WDR19: variants seen among roughly 807,000 people sequenced by gnomAD.
WDR19 encodes the protein WD repeat domain 19, also known as WD repeat-containing protein 19.
In WDR19, 121 loss-of-function variants were observed where a neutral mutation model predicts 180.0. The ratio of observed to expected loss-of-function variants is 0.67; its 90% CI spans 0.58 to 0.78. WDR19 has a LOEUF of 0.78. WDR19 is among the 30% of genes least tolerant of loss of function. WDR19 has a pLI of 0.00. For missense variants in WDR19, 1,450 were observed against 1,640.7 expected, an observed-to-expected ratio of 0.88 and a Z score of 2.01; for synonymous variants, 497 against 540.7, an observed-to-expected ratio of 0.92 and a Z score of 1.12.
rs139409000 is a variant in WDR19 at position 39,267,920 on chromosome 4, T to C, written c.3262-75T>C. Reference sequence around the variant, plus strand: ...AGTTACTGGCAGATGAATGTGATTCTAACTGCAATACAAAAATGTAATCTC... The same window carrying C: ...AGTTACTGGCAGATGAATGTGATTCCAACTGCAATACAAAAATGTAATCTC... On this transcript the variant is annotated intron_variant, in intron 29 of 36. Transcript: ENST00000399820. The C allele has an allele frequency of 4.9e-4, 649 of 1,322,112 alleles. 2 individuals are homozygous for C. The African/African-American group carries it at 6.1e-3, about 12-fold the overall frequency. The allele number at this position is 1,322,112 out of a possible 1,614,324, so 81.9% of individuals were successfully genotyped here. A position where few individuals can be genotyped will look rare whatever the true frequency, so the allele number is the denominator to read the frequency against.
intron 10 of WDR19, among the ~76,000 whole-genome samples, chr4:39,214,957 G>C (rs1728913192): frequency 6.6e-6 from 1 of 152,068 alleles, no homozygotes; most frequent in Admixed American, 6.6e-5. Flanking sequence ...ATTTTTAGTA[G>C]AGATGGGGTT....
intron 28 of WDR19, among the ~76,000 whole-genome samples, chr4:39,260,311 A>C (rs1448181708): frequency 6.7e-6 from 1 of 149,932 alleles, no homozygotes; most frequent in Non-Finnish European, 1.5e-5. Flanking sequence ...TTCTCATCAC[A>C]GCAGTAGGGC....
At chr4:39,235,098 C>G (rs549439295) in intron 20 of WDR19, among the ~76,000 whole-genome samples, 119 of 152,064 alleles carry the variant, frequency 7.8e-4, no homozygotes, top group African/African-American at 2.7e-3. Flanking sequence ...TGGATCTAAG[C>G]TGTTTCTGCA....
At chr4:39,269,567 C>T (rs556182088) in intron 30 of WDR19, among the ~76,000 whole-genome samples, 24 of 152,244 alleles carry the variant, frequency 1.6e-4, no homozygotes, top group South Asian at 6.2e-4. Context: ...GAAATCTGGC[C>T]GGTCACAATG....
chr4:39,240,715 G>T (rs1731848464), intron 21 of WDR19, among the ~76,000 whole-genome samples: 1 of 152,040 alleles, frequency 6.6e-6, no homozygotes, highest in African/African-American at 2.4e-5. Flanking sequence ...ACTTTGGGAG[G>T]CCAAGGTGGG....
At position 39,237,087 on chromosome 4, in the gene WDR19, C is replaced by T. The variant is rs566623819; in HGVS notation, c.2363+2212C>T. On this transcript the variant is annotated intron_variant, in intron 20 of 36. Transcript: ENST00000399820. Reference sequence around the variant, plus strand: ...TGACATTTATTATGATATATTCCAACATTCAAAAATATTAAAATATGGAAA... The same window carrying T: ...TGACATTTATTATGATATATTCCAATATTCAAAAATATTAAAATATGGAAA... Among the ~76,000 whole-genome samples, 5 of 152,252 alleles carry T rather than the reference C, an allele frequency of 3.3e-5. No individual in the cohort carries two copies. The East Asian group carries it at 7.7e-4, about 23-fold the overall frequency.
intron 24 of WDR19, among the ~76,000 whole-genome samples, chr4:39,250,939 T>C (rs995614783): frequency 3.3e-5 from 5 of 152,154 alleles, no homozygotes; most frequent in Non-Finnish European, 5.9e-5. Context: ...CTGCCGAAGG[T>C]AATTTATAGA....
At chr4:39,284,444 T>G (rs1296961293) in intron 36 of WDR19, among the ~76,000 whole-genome samples, 3 of 148,636 alleles carry the variant, frequency 2.0e-5, no homozygotes, top group African/African-American at 7.4e-5. Flanking sequence ...GCTCAAATGA[T>G]CTTCCTGCCT....
intron 9 of WDR19, among the ~76,000 whole-genome samples, chr4:39,212,225 TA>T (rs1728618510): frequency 6.6e-6 from 1 of 152,002 alleles, no homozygotes; most frequent in Non-Finnish European, 1.5e-5. Flanking sequence ...AATAATTCAA[TA>T]AAAGCAAGAT....
intron 36 of WDR19, among the ~76,000 whole-genome samples, chr4:39,279,315 T>C (rs1295801864): frequency 6.6e-6 from 1 of 152,208 alleles, no homozygotes; most frequent in African/African-American, 2.4e-5. Context: ...TCTCTCTGTT[T>C]TCCCTTCCTC....
At chr4:39,215,258 G>A (rs966624818) in intron 10 of WDR19, among the ~76,000 whole-genome samples, 12 of 151,890 alleles carry the variant, frequency 7.9e-5, no homozygotes, top group South Asian at 2.1e-4. Context: ...ACATAATGAC[G>A]TTTCAGTCCA....
intron 9 of WDR19, among the ~76,000 whole-genome samples, chr4:39,211,861 G>T (rs1282344149): frequency 6.6e-6 from 1 of 151,502 alleles, no homozygotes; most frequent in East Asian, 1.9e-4. Context: ...ATTGTTTAAT[G>T]AAATTTATAT....
chr4:39,244,842 A>G (rs906313619), intron 23 of WDR19, among the ~76,000 whole-genome samples: 30 of 151,992 alleles, frequency 2.0e-4, no homozygotes, highest in Middle Eastern at 3.2e-3. Flanking sequence ...CCATTTTCCT[A>G]CCTTTAGGGG....
At chr4:39,226,820 TAAA>T (rs1175419392) in intron 15 of WDR19, among the ~76,000 whole-genome samples, 1 of 152,184 alleles carries the variant, frequency 6.6e-6, no homozygotes, top group Non-Finnish European at 1.5e-5. Context: ...TTTTAAAAGA[TAAA>T]AAACGAACAG....
At chr4:39,285,239 TATC>T (rs3068591) in intron 36 of WDR19, among the ~76,000 whole-genome samples, 77,351 of 151,692 alleles carry the variant, frequency 0.51, 21,356 homozygotes, top group African/African-American at 0.74. Context: ...AGATGGCTGT[TATC>T]ATCAGCATCC....
rs12648082 is a variant in WDR19, at chr4:39,278,104, T to C, written c.3841-27T>C. The stretch of plus-strand genomic sequence containing the variant: ...TGGGAGTTTTTAAAATAAAGATGAA[T>C]TTAACTCTTAAACATCCTGTTTCCA... On this transcript the variant is annotated intron_variant, in intron 34 of 36. Coordinates refer to ENST00000399820, the MANE Select transcript of WDR19 (RefSeq NM_025132.4). The C allele has an allele frequency of 0.44, 693,196 of 1,560,910 alleles. 158,000 individuals are homozygous for C. The highest frequency in any genetic ancestry group is 0.71 in the African/African-American group (52,140 of 73,180).
At position 39,278,559 on chromosome 4, in the gene WDR19, C is replaced by T. The variant is rs1236660799; in HGVS notation, c.3938C>T (p.Thr1313Ile). The T allele has an allele frequency of 1.2e-6, 2 of 1,612,998 alleles. No homozygotes were observed. The highest frequency in any genetic ancestry group is 2.2e-5 in the East Asian group (1 of 44,858). Residue 1313 changes from threonine to isoleucine, a missense_variant, in exon 36 of 37, where the codon ACA (threonine) becomes ATA (isoleucine). By Grantham distance (89) the Thr-to-Ile change is moderately conservative. Transcript: ENST00000399820. ...ELKIMLNTES[T>I]CPMCSERLNA... The stretch of plus-strand genomic sequence containing the variant: ...AACAGCATGCTAAACACTGAAAGCA[C>T]ATGTCCTATGTGTTCAGAAAGATTA...
Position 39,274,947 on chromosome 4 carries a change from G to GGGAAT in WDR19, c.3708_3712dup (p.Val1238GlufsTer11). ...ATGCCAAATACAAAAAGAAGATCGA[G>GGGAAT]GGAATGGTCAGGTAGGCAGAGATGG... On this transcript the variant is annotated frameshift_variant, in exon 33 of 37. Coordinates refer to ENST00000399820, the MANE Select transcript of WDR19 (RefSeq NM_025132.4). LOFTEE classifies it high-confidence loss of function. 1 of 1,614,028 alleles carries GGGAAT rather than the reference G, an allele frequency of 6.2e-7. No homozygotes were observed. Among genetic ancestry groups the GGGAAT allele is most frequent in the Non-Finnish European group, 8.5e-7 (1 of 1,179,884 alleles).
intron 24 of WDR19, among the ~76,000 whole-genome samples, chr4:39,246,722 A>G (rs112227581): frequency 0.34 from 51,558 of 152,074 alleles, 8,909 homozygotes; most frequent in African/African-American, 0.39. Flanking sequence ...CACCTGACTC[A>G]GAGGGTCCTA....
Sources: allele counts gnomAD v4.1 joint callset (sites outside exome capture counted in the v4.1 genomes callset), GRCh38; gene constraint gnomAD v4.1.1; transcripts MANE v1.5; gene names NCBI Gene and HGNC (gene_info 2026-07-23, HGNC 2026-07-21).